Variants in VEPH1 observed in about 807,000 individuals in gnomAD.
VEPH1 encodes ventricular zone expressed PH domain containing 1.
Under a neutral mutation model 85.2 loss-of-function variants are expected in VEPH1, and 80 were observed. The ratio of observed to expected loss-of-function variants is 0.94; its 90% confidence interval spans 0.78 to 1.13. The LOEUF (loss-of-function observed/expected upper bound fraction) is 1.13, where lower values mean the gene tolerates loss of function less well. Ranked by LOEUF, VEPH1 falls within the 50% of genes most tolerant of loss-of-function variation. VEPH1 has a pLI of 0.00. For synonymous variants in VEPH1, 297 were observed against 348.0 expected (o/e 0.85, Z 1.63); for missense variants, 955 against 980.5 (o/e 0.97, Z 0.35).
chr3:157,263,285 CAG>C (rs779686937), intron 13 of VEPH1, among the ~76,000 whole-genome samples: 85 of 152,250 alleles, frequency 5.6e-4, no homozygotes, highest in African/African-American at 2.0e-3. Flanking sequence ...CAAGTTTTGT[CAG>C]AGTTATGGAA....
intron 8 of VEPH1, 62 bp from the exon 9 acceptor site, chr3:157,363,823 A>G: frequency 6.5e-7 from 1 of 1,545,030 alleles, no homozygotes; most frequent in Non-Finnish European, 8.7e-7. Flanking sequence ...CAAGGAAAAG[A>G]AATAATAATA....
intron 4 of VEPH1, chr3:157,436,972 T>C: frequency 6.2e-7 from 1 of 1,614,146 alleles, no homozygotes; most frequent in Non-Finnish European, 8.5e-7. Context: ...CTCTCTGGTC[T>C]GCAGTGTTGG....
At chr3:157,467,458 A>G (rs1001066527) in intron 3 of VEPH1, among the ~76,000 whole-genome samples, 4 of 152,206 alleles carry the variant, frequency 2.6e-5, no homozygotes, top group African/African-American at 9.6e-5. Context: ...CGTTCCCCAC[A>G]GGATCCTAAA....
At chr3:157,269,606 C>CTGTT (rs35444387) in intron 12 of VEPH1, among the ~76,000 whole-genome samples, 3 of 142,916 alleles carry the variant, frequency 2.1e-5, no homozygotes, top group African/African-American at 5.2e-5. Flanking sequence ...TCTTAAAAAA[C>CTGTT]TGTTTGTTTG....
chr3:157,363,202 GA>G (rs34308512), intron 9 of VEPH1, 161 bp downstream of exon 9: 104,040 of 464,958 alleles, frequency 0.22, 5,206 homozygotes, highest in African/African-American at 0.4. Context: ...CTTTTCTTGG[GA>G]AAAAAAAAAA....
At chr3:157,291,947 A>ATATC (rs1717525354) in intron 11 of VEPH1, among the ~76,000 whole-genome samples, 1 of 152,174 alleles carries the variant, frequency 6.6e-6, no homozygotes, top group South Asian at 2.1e-4. Context: ...CTCTCTCTAT[A>ATATC]TATCTATCTC....
At chr3:157,269,975 T>G (rs993107836) in intron 12 of VEPH1, among the ~76,000 whole-genome samples, 2 of 151,350 alleles carry the variant, frequency 1.3e-5, no homozygotes, top group South Asian at 4.2e-4. Context: ...GTGTGGTGGC[T>G]CATGCCTGTA....
chr3:157,428,213 TG>T, intron 5 of VEPH1, 108 bp downstream of exon 5: 1 of 1,191,084 alleles, frequency 8.4e-7, no homozygotes, highest in Non-Finnish European at 1.1e-6. Context: ...CTTAAAAAAA[TG>T]GGCATTTGTA....
chr3:157,383,568 A>AT (rs2108877409), intron 6 of VEPH1, among the ~76,000 whole-genome samples: 1 of 152,298 alleles, frequency 6.6e-6, no homozygotes, highest in Non-Finnish European at 1.5e-5. Context: ...TTGGTACTTG[A>AT]TTTTCAAAGA....
intron 9 of VEPH1, among the ~76,000 whole-genome samples, chr3:157,338,023 C>G (rs1355120124): frequency 6.6e-6 from 1 of 152,030 alleles, no homozygotes; most frequent in Non-Finnish European, 1.5e-5. Context: ...CATTCCTCAA[C>G]CAGGGCTTTC....
At chr3:157,295,947 TCC>T (rs1220494017) in intron 11 of VEPH1, among the ~76,000 whole-genome samples, 1 of 151,974 alleles carries the variant, frequency 6.6e-6, no homozygotes, top group Admixed American at 6.6e-5. Flanking sequence ...AGAGTGAGAC[TCC>T]ATCTCAAAAA....
intron 6 of VEPH1, chr3:157,409,776 G>T (rs879622261): frequency 7.3e-5 from 72 of 985,218 alleles, no homozygotes; most frequent in Non-Finnish European, 8.4e-5. Flanking sequence ...TGCAAGCACA[G>T]AAGGTGAGGC....
chr3:157,465,933 A>T (rs1736331137), intron 3 of VEPH1, among the ~76,000 whole-genome samples: 1 of 152,170 alleles, frequency 6.6e-6, no homozygotes, highest in Non-Finnish European at 1.5e-5. Context: ...GAGCTGATTA[A>T]ATACATGGCA....
At chr3:157,287,763 C>G (rs1559926622) in intron 11 of VEPH1, among the ~76,000 whole-genome samples, 2 of 151,986 alleles carry the variant, frequency 1.3e-5, no homozygotes, top group African/African-American at 4.8e-5. Context: ...CAGGGTTATG[C>G]CGTGTTGGCC....
At chr3:157,493,153 A>G (rs1388558230) in intron 2 of VEPH1, 1 of 430,566 alleles carries the variant, frequency 2.3e-6, no homozygotes. Flanking sequence ...ACCAAAGGAA[A>G]ATTGAGAAGC....
intron 4 of VEPH1, among the ~76,000 whole-genome samples, chr3:157,459,350 G>C (rs912319961): frequency 6.6e-5 from 10 of 152,194 alleles, no homozygotes; most frequent in African/African-American, 1.4e-4. Context: ...CTTGGGAAGA[G>C]AGCACACATA....
chr3:157,381,393 A>G lies in VEPH1; in HGVS notation c.907-17T>C, dbSNP rs1728753431. Reference sequence around the variant, plus strand: ...GGCTCTCTCCTACCAAAAACAATGAAGAAAATAGGTTTATCTTTTAGAAGA... The same window carrying G: ...GGCTCTCTCCTACCAAAAACAATGAGGAAAATAGGTTTATCTTTTAGAAGA... On this transcript the variant is annotated splice_polypyrimidine_tract_variant and intron_variant, in intron 6 of 13. Coordinates refer to ENST00000362010, the MANE Select transcript of VEPH1 (RefSeq NM_001167912.2). 1 of 1,612,936 alleles carries G rather than the reference A, an allele frequency of 6.2e-7. No homozygotes were observed. Among genetic ancestry groups the G allele is most frequent in the South Asian group, 1.1e-5 (1 of 91,050 alleles).
At chr3:157,270,561 A>G (rs2108280090) in intron 12 of VEPH1, among the ~76,000 whole-genome samples, 1 of 152,306 alleles carries the variant, frequency 6.6e-6, no homozygotes, top group South Asian at 2.1e-4. Flanking sequence ...ATGAATTTTG[A>G]AGGGGTTGGT....
intron 4 of VEPH1, among the ~76,000 whole-genome samples, chr3:157,438,854 G>C (rs1240100823): frequency 6.6e-6 from 1 of 152,190 alleles, no homozygotes; most frequent in Admixed American, 6.5e-5. Context: ...AATCATTTTG[G>C]ATTGTATTAG....
Sources: allele counts gnomAD v4.1 joint callset (sites outside exome capture counted in the v4.1 genomes callset), GRCh38; gene constraint gnomAD v4.1.1; transcripts MANE v1.5; gene names NCBI Gene and HGNC (gene_info 2026-07-23, HGNC 2026-07-21).